The following PTPN20 variants were observed in gnomAD, a reference collection of about 807,000 sequenced individuals.
PTPN20 encodes protein tyrosine phosphatase non-receptor type 20.
PTPN20 carries 9 observed loss-of-function variants against 35.0 expected under a neutral mutation model. The ratio of observed to expected loss-of-function variants is 0.26; its 90% CI spans 0.15 to 0.45. The LOEUF is 0.45. Among genes scored for constraint, PTPN20 ranks in the 20% least tolerant of loss-of-function variants. PTPN20 has a pLI of 1.00. For synonymous variants in PTPN20, 32 were observed against 100.2 expected (o/e 0.32, Z 4.06); for missense variants, 111 against 312.5 (o/e 0.36, Z 4.86).
intron 5 of PTPN20, among the ~76,000 whole-genome samples, chr10:46,949,089 C>T (rs1276798249): frequency 6.6e-6 from 1 of 151,826 alleles, no homozygotes; most frequent in African/African-American, 2.4e-5. Flanking sequence ...TGCTGCTCCT[C>T]CTCCTGCAGT....
chr10:46,983,113 G>T (rs1589840916), intron 7 of PTPN20, among the ~76,000 whole-genome samples: 2 of 130,112 alleles, frequency 1.5e-5, no homozygotes, highest in Non-Finnish European at 3.1e-5. Flanking sequence ...CACTCATTCT[G>T]TCACCCAGGC....
At chr10:46,953,772 G>A (rs1397228501) in intron 5 of PTPN20, among the ~76,000 whole-genome samples, 3 of 147,674 alleles carry the variant, frequency 2.0e-5, no homozygotes, top group East Asian at 3.9e-4. Context: ...ACTTTGTGAT[G>A]GTGTAATATT....
intron 5 of PTPN20, among the ~76,000 whole-genome samples, chr10:46,948,665 G>A (rs2045742468): frequency 6.6e-6 from 1 of 151,938 alleles, no homozygotes; most frequent in African/African-American, 2.4e-5. Context: ...TTCGTCCTCA[G>A]CTTTAGGCCT....
chr10:46,994,580 C>T (rs1205406220), intron 9 of PTPN20, among the ~76,000 whole-genome samples: 6 of 151,928 alleles, frequency 3.9e-5, no homozygotes, highest in African/African-American at 9.7e-5. Flanking sequence ...GTGATCCGCC[C>T]GCCTCGGCCT....
intron 2 of PTPN20, among the ~76,000 whole-genome samples, chr10:46,939,625 C>T (rs1372196455): frequency 1.3e-5 from 2 of 149,192 alleles, no homozygotes; most frequent in East Asian, 4.0e-4. Flanking sequence ...TCTGGGTTTC[C>T]TCAGTTTTTC....
chr10:46,932,464 G>A lies in PTPN20; in HGVS notation c.-36G>A. 1 of 1,611,922 alleles carries A rather than the reference G, an allele frequency of 6.2e-7. No homozygotes were observed. The highest frequency in any genetic ancestry group is 8.5e-7 in the Non-Finnish European group (1 of 1,179,848). ...ACACTAAGGCTCCTTTTCTGAAGAA[G>A]CCTTTTACCAGTCTCATTTAGGGGA... On this transcript the variant is annotated 5_prime_UTR_variant, in exon 2 of 11. Coordinates refer to ENST00000374339, the MANE Select transcript of PTPN20 (RefSeq NM_001042357.5).
intron 7 of PTPN20, among the ~76,000 whole-genome samples, chr10:46,977,270 A>G (rs1400389294): frequency 9.8e-5 from 15 of 152,292 alleles, no homozygotes; most frequent in Non-Finnish European, 8.8e-5. Flanking sequence ...CCTGCCCTGC[A>G]GATATTGACT....
chr10:46,953,395 C>CTTTCTTTCTTTCT (rs1341999684), intron 5 of PTPN20, among the ~76,000 whole-genome samples: 59 of 100,102 alleles, frequency 5.9e-4, no homozygotes, highest in African/African-American at 2.6e-3. Flanking sequence ...TTCTTTCTTT[C>CTTTCTTTCTTTCT]TTTTTTTTTG....
chr10:46,971,996 AC>A (rs1212050478), intron 7 of PTPN20, among the ~76,000 whole-genome samples: 22 of 86,722 alleles, frequency 2.5e-4, no homozygotes, highest in African/African-American at 9.6e-4. Flanking sequence ...TCTGAAAGAA[AC>A]CCTAGGAGAA....
chr10:46,920,622 A>G (rs2034844862), intron 1 of PTPN20, among the ~76,000 whole-genome samples: 2 of 130,456 alleles, frequency 1.5e-5, no homozygotes, highest in Admixed American at 7.6e-5. Flanking sequence ...GCAGGTAGGG[A>G]AATGCCGTCA....
chr10:46,940,454 C>G (rs1303106598), intron 2 of PTPN20, 169 bp from the exon 3 acceptor site: 2 of 650,366 alleles, frequency 3.1e-6, no homozygotes, highest in Non-Finnish European at 2.7e-6. Context: ...TTTTTCAAAG[C>G]AGGGGAGAAA....
In PTPN20 at chr10:47,001,452, C is replaced by A. The variant is rs1420703031; in HGVS notation, c.*711C>A. 1 of 152,346 alleles carries A rather than the reference C, an allele frequency of 6.6e-6. No individual in the cohort carries two copies. Among genetic ancestry groups the A allele is most frequent in the Non-Finnish European group, 1.5e-5 (1 of 68,202 alleles). The allele number at this position is 152,346 out of a possible 1,614,324, so 9.4% of individuals were successfully genotyped here. A position where few individuals can be genotyped will look rare whatever the true frequency, so the allele number is the denominator to read the frequency against. ...AGAAAGCCCAAGAGGAGACTTTTGC[C>A]ATGCCTGAGTTCTTTCCTATCCCAC... On this transcript the variant is annotated 3_prime_UTR_variant, in exon 11 of 11. Transcript: ENST00000374339.
At chr10:46,937,647 C>A (rs1589353965) in intron 2 of PTPN20, among the ~76,000 whole-genome samples, 1 of 151,326 alleles carries the variant, frequency 6.6e-6, no homozygotes, top group African/African-American at 2.4e-5. Flanking sequence ...CATACATTGT[C>A]TCTAGAAATT....
At chr10:46,929,341 T>C (rs1295247754) in intron 1 of PTPN20, among the ~76,000 whole-genome samples, 3 of 145,412 alleles carry the variant, frequency 2.1e-5, no homozygotes, top group East Asian at 2.1e-4. Context: ...GATTTCTCTT[T>C]TATCAGGGCT....
Position 46,923,110 on chromosome 10 carries a change from T to C in PTPN20, c.-123-9267T>C, listed in dbSNP as rs1412214369. On this transcript the variant is annotated intron_variant, in intron 1 of 10. Coordinates refer to ENST00000374339, the MANE Select transcript of PTPN20 (RefSeq NM_001042357.5). ...CAGTAAGGATATGACTTTTGGGGGA[T>C]TGGAGAGAAGACTGTTGTGGTTTAA... Among the ~76,000 whole-genome samples, 24 of 144,270 alleles carry C rather than the reference T, an allele frequency of 1.7e-4. 1 individual carries two copies. Among genetic ancestry groups the C allele is most frequent in the African/African-American group, 6.6e-4 (23 of 35,102 alleles). 94.6% of individuals were successfully genotyped at this position (144,270 alleles called of 152,430 possible).
Position 47,000,887 on chromosome 10 carries a change from C to A in PTPN20, c.*146C>A. 2 of 977,546 alleles carry A rather than the reference C, an allele frequency of 2.0e-6. No homozygotes were observed. The highest frequency in any genetic ancestry group is 2.7e-5 in the South Asian group (2 of 74,268). The allele number at this position is 977,546 out of a possible 1,614,324, so 60.6% of individuals were successfully genotyped here. A position where few individuals can be genotyped will look rare whatever the true frequency, so the allele number is the denominator to read the frequency against. The stretch of plus-strand genomic sequence containing the variant: ...CAGTTTATTTTCTTTCTAAAAGCTC[C>A]CTGAAGGGCAATATCATTTGGCTTG... On this transcript the variant is annotated 3_prime_UTR_variant, in exon 11 of 11. Coordinates refer to ENST00000374339, the MANE Select transcript of PTPN20 (RefSeq NM_001042357.5).
At chr10:46,949,606 A>G (rs1268985801) in intron 5 of PTPN20, among the ~76,000 whole-genome samples, 4 of 150,296 alleles carry the variant, frequency 2.7e-5, no homozygotes, top group African/African-American at 9.9e-5. Context: ...TGCTCATACT[A>G]GCTTTCTATA....
intron 5 of PTPN20, among the ~76,000 whole-genome samples, chr10:46,947,610 C>T (rs1368875398): frequency 2.6e-5 from 4 of 151,790 alleles, no homozygotes; most frequent in Admixed American, 6.6e-5. Flanking sequence ...TCTATCTCCC[C>T]CCAAATTTCT....
intron 2 of PTPN20, among the ~76,000 whole-genome samples, chr10:46,937,827 G>T (rs1343196166): frequency 3.3e-5 from 5 of 151,234 alleles, no homozygotes; most frequent in African/African-American, 1.2e-4. Context: ...TTTGGCTGTG[G>T]GTTATACTTT....
Sources: allele counts gnomAD v4.1 joint callset (sites outside exome capture counted in the v4.1 genomes callset), GRCh38; gene constraint gnomAD v4.1.1; transcripts MANE v1.5; gene names NCBI Gene and HGNC (gene_info 2026-07-23, HGNC 2026-07-21).